LYZL2: variants seen among roughly 807,000 people sequenced by gnomAD.
The protein encoded by LYZL2 is lysozyme-like protein 2.
A neutral mutation model predicts 17.1 loss-of-function variants in LYZL2; 13 were observed. The observed-to-expected ratio is 0.76, with a 90% CI of 0.49 to 1.21. The LOEUF (loss-of-function observed/expected upper bound fraction) is 1.21, where lower values mean the gene tolerates loss of function less well. LYZL2 is among the 50% of genes most tolerant of loss of function. The pLI, the probability that LYZL2 is intolerant of heterozygous loss-of-function variation, is 0.00. For missense variants in LYZL2, 166 were observed against 189.2 expected (o/e 0.88, Z 0.72); for synonymous variants, 63 against 74.4 (o/e 0.85, Z 0.79).
chr10:30,616,007 GTAC>G (rs1838522923), intron 3 of LYZL2, among the ~76,000 whole-genome samples: 1 of 152,182 alleles, frequency 6.6e-6, no homozygotes, highest in Admixed American at 6.5e-5. Flanking sequence ...CAATTGAAAT[GTAC>G]TACTTTTATT....
At chr10:30,607,800 A>T (rs1838393357), downstream of LYZL2, among the ~76,000 whole-genome samples, 1 of 152,118 alleles carries the variant, frequency 6.6e-6, no homozygotes, top group Non-Finnish European at 1.5e-5. Flanking sequence ...CTTAGACATC[A>T]TTGCGTGTAA....
intron 1 of LYZL2, 84 bp from the exon 2 acceptor site, chr10:30,627,024 C>T: frequency 1.3e-6 from 2 of 1,551,774 alleles, no homozygotes; most frequent in Admixed American, 3.8e-5. Context: ...ACAGCCCTGC[C>T]TAGATGCTGC....
At chr10:30,611,631 AAG>A (rs1463533538), downstream of LYZL2, 14 of 237,028 alleles carry the variant, frequency 5.9e-5, no homozygotes, top group Middle Eastern at 1.3e-3. Context: ...GAAAGAAGGA[AAG>A]AGAGGGAGGG....
intron 1 of LYZL2, among the ~76,000 whole-genome samples, chr10:30,627,229 G>T (rs901174443): frequency 6.6e-6 from 1 of 151,588 alleles, no homozygotes; most frequent in Non-Finnish European, 1.5e-5. Context: ...ACCACAAGGG[G>T]CATTTTTAGG....
At chr10:30,619,687 G>A in intron 3 of LYZL2, among the ~76,000 whole-genome samples, 1 of 151,112 alleles carries the variant, frequency 6.6e-6, no homozygotes, top group African/African-American at 2.4e-5. Context: ...TGGGGTGGGG[G>A]GAGGCGGGAG....
intron 3 of LYZL2, among the ~76,000 whole-genome samples, chr10:30,615,395 G>A (rs1838511552): frequency 6.6e-6 from 1 of 152,196 alleles, no homozygotes; most frequent in Non-Finnish European, 1.5e-5. Context: ...AGATGCTGAT[G>A]GAAGGGTCCA....
intron 4 of LYZL2, 46 bp from the exon 5 acceptor site, chr10:30,612,070 T>C: frequency 6.2e-7 from 1 of 1,602,232 alleles, no homozygotes; most frequent in Non-Finnish European, 8.5e-7. Flanking sequence ...AGCGTGACAA[T>C]CCAAACCGTC....
At chr10:30,627,072 A>G (rs959514892) in intron 1 of LYZL2, 132 bp from the exon 2 acceptor site, 3 of 1,322,188 alleles carry the variant, frequency 2.3e-6, no homozygotes, top group Admixed American at 2.6e-5. Flanking sequence ...ATCAGGGAAA[A>G]CCGGCCACTC....
intron 4 of LYZL2, among the ~76,000 whole-genome samples, chr10:30,612,352 G>A (rs1838459238): frequency 6.6e-6 from 1 of 152,196 alleles, no homozygotes; most frequent in Admixed American, 6.5e-5. Context: ...GGGAATGCAA[G>A]GCCCCAGGCT....
At chr10:30,629,204 G>A (rs539911029) in intron 1 of LYZL2, among the ~76,000 whole-genome samples, 8 of 152,230 alleles carry the variant, frequency 5.3e-5, no homozygotes, top group Middle Eastern at 3.4e-3. Flanking sequence ...ACCAGCCTGG[G>A]CAACAAAGGT....
intron 3 of LYZL2, among the ~76,000 whole-genome samples, chr10:30,625,532 A>C (rs1838688316): frequency 1.3e-5 from 2 of 152,110 alleles, no homozygotes; most frequent in South Asian, 4.1e-4. Flanking sequence ...GTCTCTACAA[A>C]AAAAAACAAA....
chr10:30,614,642 G>T (rs938193710), intron 3 of LYZL2, among the ~76,000 whole-genome samples: 26 of 152,142 alleles, frequency 1.7e-4, no homozygotes, highest in African/African-American at 3.6e-4. Context: ...ATTATGCAAA[G>T]ATTTTTTTTT....
At chr10:30,612,996 T>C (rs1239790144) in intron 3 of LYZL2, 96 bp from the exon 4 acceptor site, 11 of 893,698 alleles carry the variant, frequency 1.2e-5, no homozygotes, top group Non-Finnish European at 2.0e-5. Flanking sequence ...CTTTTTGGGA[T>C]GGGAAGGTTG....
At chr10:30,618,438 A>G (rs996304401) in intron 3 of LYZL2, among the ~76,000 whole-genome samples, 1 of 152,238 alleles carries the variant, frequency 6.6e-6, no homozygotes, top group African/African-American at 2.4e-5. Flanking sequence ...CTACAAGGCT[A>G]CAGTAACCAA....
chr10:30,613,418 G>T (rs557123581), intron 3 of LYZL2, among the ~76,000 whole-genome samples: 1 of 151,426 alleles, frequency 6.6e-6, no homozygotes, highest in South Asian at 2.1e-4. Context: ...AATCACTTGA[G>T]CCCAGGAGGT....
chr10:30,624,343 GTCAGGTCAC>G (rs1838670634), intron 3 of LYZL2, among the ~76,000 whole-genome samples: 1 of 152,192 alleles, frequency 6.6e-6, no homozygotes, highest in South Asian at 2.1e-4. Context: ...CTTTATTTCT[GTCAGGTCAC>G]TCAGCACAAG....
At chr10:30,613,860 T>C (rs774790082) in intron 3 of LYZL2, among the ~76,000 whole-genome samples, 15 of 152,072 alleles carry the variant, frequency 9.9e-5, no homozygotes, top group Non-Finnish European at 2.1e-4. Context: ...GAAATACAGG[T>C]ATGCACCACC....
chr10:30,615,085 T>C (rs889897620), intron 3 of LYZL2, among the ~76,000 whole-genome samples: 3 of 152,256 alleles, frequency 2.0e-5, no homozygotes, highest in African/African-American at 7.2e-5. Flanking sequence ...GAGAGCTGTA[T>C]TGGCTAATGC....
downstream of LYZL2, among the ~76,000 whole-genome samples, chr10:30,608,344 C>T (rs1223441678): frequency 6.6e-6 from 1 of 152,220 alleles, no homozygotes; most frequent in African/African-American, 2.4e-5. Flanking sequence ...CATTTTCCTT[C>T]CATTTTGGAG....
Sources: allele counts gnomAD v4.1 joint callset (sites outside exome capture counted in the v4.1 genomes callset), GRCh38; gene constraint gnomAD v4.1.1; transcripts MANE v1.5; gene names NCBI Gene and HGNC (gene_info 2026-07-23, HGNC 2026-07-21).